The following PHF11 variants were observed in gnomAD, a reference collection of about 807,000 sequenced individuals.
PHF11 encodes the protein PHD finger protein 11, also known as BRCA1 C-terminus-associated protein.
PHF11 carries 38 observed loss-of-function variants against 40.5 expected under a neutral mutation model. That is an observed-to-expected ratio of 0.94 (90% CI 0.72 to 1.23). The LOEUF (loss-of-function observed/expected upper bound fraction) is 1.23. PHF11 is among the 50% of genes most tolerant of loss of function. The pLI, the probability that PHF11 is intolerant of heterozygous loss-of-function variation, is 0.00. For missense variants in PHF11, 369 were observed against 392.4 expected, an observed-to-expected ratio of 0.94 and a Z score of 0.50; for synonymous variants, 127 against 138.2, an observed-to-expected ratio of 0.92 and a Z score of 0.57.
intron 1 of PHF11, chr13:49,496,420 C>T (rs1958809575): frequency 2.8e-6 from 3 of 1,084,892 alleles, no homozygotes; most frequent in Non-Finnish European, 2.2e-6. Flanking sequence ...CAACCGATGT[C>T]AACTCTCCTA....
chr13:49,510,866 A>G (rs1259780618), intron 2 of PHF11, among the ~76,000 whole-genome samples: 1 of 152,232 alleles, frequency 6.6e-6, no homozygotes, highest in Non-Finnish European at 1.5e-5. Flanking sequence ...AATCAAATGT[A>G]CCCATTTTAA....
intron 1 of PHF11, among the ~76,000 whole-genome samples, chr13:49,497,924 G>GT (rs1276890685): frequency 6.6e-6 from 1 of 152,128 alleles, no homozygotes; most frequent in Non-Finnish European, 1.5e-5. Flanking sequence ...ATATTCAGGT[G>GT]TCTGCTCATA....
At chr13:49,504,543 A>C (rs1459267297) in intron 1 of PHF11, among the ~76,000 whole-genome samples, 1 of 60,218 alleles carries the variant, frequency 1.7e-5, no homozygotes, top group African/African-American at 4.2e-5. Context: ...CCCTACTGGG[A>C]AGTGAGGAGC....
intron 9 of PHF11, chr13:49,527,169 A>T (rs962575064): frequency 6.6e-6 from 1 of 152,214 alleles, no homozygotes; most frequent in Non-Finnish European, 1.5e-5. Flanking sequence ...CCTTCCTATT[A>T]AATATCAACC....
chr13:49,525,765 T>C, intron 8 of PHF11: 1 of 454,018 alleles, frequency 2.2e-6, no homozygotes, highest in Admixed American at 2.4e-5. Context: ...TTCATTTATT[T>C]CCTCTAGACC....
Position 49,496,108 on chromosome 13 carries a change from GGGGCGGGCGGGCGGGC to G in PHF11, c.94+21_94+36del, listed in dbSNP as rs370049093. 4.0e-5 allele frequency: 28 copies of G among 691,834 alleles called. No homozygotes were observed. The highest frequency in any genetic ancestry group is 3.0e-4 in the African/African-American group (16 of 52,662). The allele number at this position is 691,834 out of a possible 1,614,324, so 42.9% of individuals were successfully genotyped here. Reference sequence around the variant, plus strand: ...CTCCTTCCCACCGGTGTGTACCGCGGGGGCGGGCGGGCGGGCGGGCGGGGCTGGGCAGCGACGGGCC... The same window carrying G: ...CTCCTTCCCACCGGTGTGTACCGCGGGGGCGGGGCTGGGCAGCGACGGGCC... On this transcript the variant is annotated intron_variant, in intron 1 of 9. Transcript: ENST00000378319.
At chr13:49,506,364 C>T (rs1047329861) in intron 1 of PHF11, among the ~76,000 whole-genome samples, 1 of 152,038 alleles carries the variant, frequency 6.6e-6, no homozygotes, top group African/African-American at 2.4e-5. Context: ...GTCAACTGAA[C>T]AAGCCTCTTG....
intron 4 of PHF11, chr13:49,518,633 T>C (rs1422329988): frequency 1.3e-5 from 2 of 152,226 alleles, no homozygotes. Flanking sequence ...TAGATACTAT[T>C]ATCTCCATTT....
intron 3 of PHF11, among the ~76,000 whole-genome samples, chr13:49,514,082 C>T (rs1959116646): frequency 6.6e-6 from 1 of 152,138 alleles, no homozygotes; most frequent in African/African-American, 2.4e-5. Flanking sequence ...GGGGGCTATT[C>T]AAGGAGGAAG....
intron 4 of PHF11, 70 bp from the exon 5 acceptor site, chr13:49,520,823 CA>C: frequency 8.9e-7 from 1 of 1,119,946 alleles, no homozygotes; most frequent in Non-Finnish European, 1.3e-6. Context: ...TTTTTAATCA[CA>C]AAAATAGACA....
At chr13:49,504,273 C>T (rs946816111) in intron 1 of PHF11, among the ~76,000 whole-genome samples, 3 of 151,616 alleles carry the variant, frequency 2.0e-5, no homozygotes, top group Non-Finnish European at 4.4e-5. Context: ...ATAATGGGAC[C>T]CCTGTCTCTA....
In PHF11 at chr13:49,528,666, G is replaced by A; in HGVS notation, c.*1G>A. On this transcript the variant is annotated 3_prime_UTR_variant, in exon 10 of 10. Transcript: ENST00000378319. The stretch of plus-strand genomic sequence containing the variant: ...ATCAATATCATCCCTGTCTTATTAG[G>A]GATTACCGTTTCCTAAGCCAAGAGT... 6.3e-7 allele frequency: 1 copy of A among 1,590,732 alleles called. No homozygotes were observed. Among genetic ancestry groups the A allele is most frequent in the Non-Finnish European group, 8.5e-7 (1 of 1,170,456 alleles).
intron 1 of PHF11, among the ~76,000 whole-genome samples, chr13:49,503,255 T>G (rs1958934514): frequency 6.7e-6 from 1 of 150,050 alleles, no homozygotes; most frequent in African/African-American, 2.4e-5. Flanking sequence ...CACCTTTCCC[T>G]CCTCTCCAGG....
chr13:49,514,763 A>T (rs751807402), intron 3 of PHF11, among the ~76,000 whole-genome samples: 61 of 18,026 alleles, frequency 3.4e-3, no homozygotes, highest in South Asian at 7.9e-3. Flanking sequence ...GTCTCAAATT[A>T]AAAAAAAAAA....
At chr13:49,515,456 AC>A (rs1352564868) in intron 3 of PHF11, among the ~76,000 whole-genome samples, 1 of 3,196 alleles carries the variant, frequency 3.1e-4, no homozygotes, top group Non-Finnish European at 4.7e-4. Flanking sequence ...CATCTCCTAT[AC>A]ACACACACAC....
At chr13:49,513,409 C>G (rs537940370) in intron 3 of PHF11, among the ~76,000 whole-genome samples, 1 of 150,246 alleles carries the variant, frequency 6.7e-6, no homozygotes, top group Non-Finnish European at 1.5e-5. Flanking sequence ...CAGCTCACTG[C>G]AACCTCCGCC....
intron 2 of PHF11, among the ~76,000 whole-genome samples, chr13:49,512,778 T>C (rs1042965398): frequency 6.6e-6 from 1 of 152,196 alleles, no homozygotes; most frequent in Admixed American, 6.5e-5. Flanking sequence ...ACTTTTAGGA[T>C]AGGGGATCAG....
At chr13:49,521,968 GT>G (rs1959190167) in intron 5 of PHF11, 74 bp from the exon 6 acceptor site, 1 of 733,676 alleles carries the variant, frequency 1.4e-6, no homozygotes, top group South Asian at 1.7e-5. Flanking sequence ...TGGCATATGA[GT>G]TGTATATTTC....
chr13:49,504,299 A>C (rs1476959943), intron 1 of PHF11, among the ~76,000 whole-genome samples: 2 of 151,994 alleles, frequency 1.3e-5, no homozygotes, highest in Non-Finnish European at 2.9e-5. Flanking sequence ...AAAAATAACA[A>C]AAATTAGCCA....
Sources: allele counts gnomAD v4.1 joint callset (sites outside exome capture counted in the v4.1 genomes callset), GRCh38; gene constraint gnomAD v4.1.1; transcripts MANE v1.5; gene names NCBI Gene and HGNC (gene_info 2026-07-23, HGNC 2026-07-21).